The following DOK1 variants were observed in gnomAD, a reference collection of about 807,000 sequenced individuals.
DOK1 encodes docking protein 1.
DOK1 carries 12 observed loss-of-function variants against 24.0 expected under a neutral mutation model. That is an observed-to-expected ratio of 0.50 (90% CI 0.32 to 0.81). The LOEUF (loss-of-function observed/expected upper bound fraction) is 0.81, where lower values mean the gene tolerates loss of function less well. Among genes scored for constraint, DOK1 ranks in the 30% least tolerant of loss-of-function variants. The probability of loss-of-function intolerance (pLI) is 0.03; values close to 1 mark genes in which losing one functional copy is unlikely to be tolerated. For missense variants in DOK1, 591 were observed against 620.7 expected (o/e 0.95, Z 0.51); for synonymous variants, 250 against 260.9 (o/e 0.96, Z 0.40).
At chr2:74,552,552 G>C (rs747921472), upstream of DOK1, 3 of 1,612,086 alleles carry the variant, frequency 1.9e-6, no homozygotes, top group Middle Eastern at 1.7e-4. Context: ...CGTGGAAGGG[G>C]ACGGAGACCC....
Position 74,555,793 on chromosome 2 carries a change from C to T in DOK1, c.455-101C>T. The T allele has an allele frequency of 3.2e-6, 5 of 1,584,138 alleles. No individual in the cohort carries two copies. The highest frequency in any genetic ancestry group is 3.4e-6 in the Non-Finnish European group (4 of 1,165,546). ...GAAGTAGGAAGGCCCTGAGATCTGG[C>T]TTCCGAGTGAGTGCTTGGACACTAT... On this transcript the variant is annotated intron_variant, in intron 3 of 4. Transcript: ENST00000233668. This position sits in a 1 kb window ranked among gnomAD's most constrained non-coding sequence, Gnocchi z 6.1.
Position 74,549,577 on chromosome 2 carries a change from G to A in DOK1, c.-358+405G>A. On this transcript the variant is annotated intron_variant, in intron 1 of 4. Coordinates refer to the DOK1 transcript ENST00000409429. This position sits in a 1 kb window ranked among gnomAD's most constrained non-coding sequence, Gnocchi z 5.3. ...CGCACCTCCTCCACTTGCAGGTGAT[G>A]CTCTACCTGGGGGCGGGGCCACAAG... The A allele has an allele frequency of 6.2e-7, 1 of 1,607,328 alleles. No individual in the cohort carries two copies. The highest frequency in any genetic ancestry group is 8.5e-7 in the Non-Finnish European group (1 of 1,175,382).
upstream of DOK1, among the ~76,000 whole-genome samples, chr2:74,553,396 G>A (rs1331087223): frequency 3.9e-5 from 6 of 152,184 alleles, no homozygotes; most frequent in African/African-American, 7.2e-5. Context: ...GGCCCAGGAG[G>A]GCCAGGCCTC....
rs946293252 is a variant in DOK1, at chr2:74,549,311, A to G, written c.-358+139A>G. On this transcript the variant is annotated intron_variant, in intron 1 of 4. Transcript: ENST00000409429. This position sits in a 1 kb window ranked among gnomAD's most constrained non-coding sequence, Gnocchi z 5.3. ...ACCTGCTCAGATGTCTCCCAAGGCT[A>G]TTCATCAGGGAGCACCCCAATCCCG... 2.0e-6 allele frequency: 3 copies of G among 1,494,616 alleles called. No homozygotes were observed. Among genetic ancestry groups the G allele is most frequent in the African/African-American group, 1.4e-5 (1 of 71,502 alleles). The allele number at this position is 1,494,616 out of a possible 1,614,324, so 92.6% of individuals were successfully genotyped here.
At chr2:74,554,662 G>A, upstream of DOK1, 3 of 1,312,010 alleles carry the variant, frequency 2.3e-6, no homozygotes, top group Non-Finnish European at 3.2e-6. This position sits in a 1 kb window ranked among gnomAD's most constrained non-coding sequence, Gnocchi z 4.9. Context: ...GGGGGCCGGG[G>A]AGGGGCGGAA....
At chr2:74,550,533 T>C (rs1015558899), upstream of DOK1, among the ~76,000 whole-genome samples, 1 of 151,924 alleles carries the variant, frequency 6.6e-6, no homozygotes, top group Non-Finnish European at 1.5e-5. Context: ...GGCATAAGAT[T>C]GAGGGAAAAT....
upstream of DOK1, chr2:74,554,631 AC>A (rs932056110): frequency 2.3e-5 from 20 of 867,614 alleles, no homozygotes; most frequent in East Asian, 5.3e-5. This position sits in a 1 kb window ranked among gnomAD's most constrained non-coding sequence, Gnocchi z 4.9. Flanking sequence ...CCCCACCGCG[AC>A]CCCCCCAGCG....
upstream of DOK1, among the ~76,000 whole-genome samples, chr2:74,553,270 A>G (rs1260029361): frequency 6.6e-6 from 1 of 152,134 alleles, no homozygotes; most frequent in Non-Finnish European, 1.5e-5. Flanking sequence ...ATGGGAGCCC[A>G]GAGTCCTAAC....
chr2:74,549,868 T>C, upstream of DOK1: 1 of 985,316 alleles, frequency 1.0e-6, no homozygotes, highest in Non-Finnish European at 1.2e-6. This position sits in a 1 kb window ranked among gnomAD's most constrained non-coding sequence, Gnocchi z 5.3. Context: ...GGAAATGGCT[T>C]TGAAGGAGGA....
At chr2:74,553,943 CAA>C (rs113018584), upstream of DOK1, 345 of 130,932 alleles carry the variant, frequency 2.6e-3, 4 homozygotes, top group African/African-American at 9.0e-3. Context: ...CTAGGACTTC[CAA>C]AAAAAAAAAA....
Position 74,555,158 on chromosome 2 carries a change from G to A in DOK1, c.65G>A (p.Trp22Ter), listed in dbSNP as rs1457384846. 4.3e-6 allele frequency: 7 copies of A among 1,611,128 alleles called. No homozygotes were observed. Among genetic ancestry groups the A allele is most frequent in the East Asian group, 2.2e-5 (1 of 44,856 alleles). The change falls in exon 2 of 5, where the codon TGG becomes TAG. Residue 22 changes from tryptophan to a stop codon, truncating the protein, a stop_gained. Transcript: ENST00000233668. LOFTEE classifies it high-confidence loss of function. This position sits in a 1 kb window ranked among gnomAD's most constrained non-coding sequence, Gnocchi z 6.1. ...LQSQRFGTKR[W>*]RKTWAVLYPA... ...GCACTCTCTCTCTCTCCCTAGAGGTGGAGGAAGACCTGGGCCGTGCTCTAC... is the reference window on the plus strand; with the variant it reads ...GCACTCTCTCTCTCTCCCTAGAGGTAGAGGAAGACCTGGGCCGTGCTCTAC...
rs1677508571 is a variant in DOK1 at position 74,556,830 on chromosome 2, T to C, written c.1162T>C (p.Trp388Arg). The stretch of plus-strand genomic sequence containing the variant: ...GCCTCGGGAGCCCAAGGATGCATGG[T>C]GGTGCCAAGCTCGGGTGAAGGAGGA... ...DLPREPKDAW[W>R]CQARVKEEGY... Residue 388 changes from tryptophan (W) to arginine (R), a missense_variant, in exon 5 of 5, where the codon TGG (tryptophan) becomes CGG (arginine). Physicochemically the swap from Trp to Arg is moderately radical, Grantham distance 101. Coordinates refer to ENST00000233668, the MANE Select transcript of DOK1 (RefSeq NM_001381.5). This position sits in a 1 kb window ranked among gnomAD's most constrained non-coding sequence, Gnocchi z 4.1. 1.9e-6 allele frequency: 3 copies of C among 1,614,024 alleles called. No individual in the cohort carries two copies. The highest frequency in any genetic ancestry group is 1.7e-5 in the Admixed American group (1 of 60,008).
At chr2:74,549,940 G>GTGCC, upstream of DOK1, 1 of 985,464 alleles carries the variant, frequency 1.0e-6, no homozygotes, top group Non-Finnish European at 1.2e-6. This position sits in a 1 kb window ranked among gnomAD's most constrained non-coding sequence, Gnocchi z 5.3. Flanking sequence ...AGAGCACCAG[G>GTGCC]TGCCCCAGGG....
At chr2:74,550,258 G>T (rs762811068), upstream of DOK1, 2 of 1,614,040 alleles carry the variant, frequency 1.2e-6, no homozygotes, top group African/African-American at 1.3e-5. Context: ...CTCATCGTGC[G>T]TACAGTCACT....
At chr2:74,550,974 C>T (rs1676970071), upstream of DOK1, among the ~76,000 whole-genome samples, 1 of 151,488 alleles carries the variant, frequency 6.6e-6, no homozygotes, top group South Asian at 2.1e-4. Flanking sequence ...GCCCTGTTGC[C>T]TAGGCTGAAA....
In DOK1 at chr2:74,555,705, A is replaced by G. The variant is rs1558636284; in HGVS notation, c.454+37A>G. On this transcript the variant is annotated intron_variant, in intron 3 of 4. Coordinates refer to ENST00000233668, the MANE Select transcript of DOK1 (RefSeq NM_001381.5). The surrounding 1 kb of genome is among the most constrained non-coding windows in gnomAD (Gnocchi z 6.1). ...AGAAGCCCGGGCAGGGATGGAGTGAAGAGGAGGAGGGCCGAGGGCCTTTGG... is the reference window on the plus strand; with the variant it reads ...AGAAGCCCGGGCAGGGATGGAGTGAGGAGGAGGAGGGCCGAGGGCCTTTGG... 2 of 1,612,906 alleles carry G rather than the reference A, an allele frequency of 1.2e-6. No individual in the cohort carries two copies. The highest frequency in any genetic ancestry group is 4.5e-5 in the East Asian group (2 of 44,876).
upstream of DOK1, chr2:74,552,693 G>A (rs1018437306): frequency 2.1e-6 from 3 of 1,429,990 alleles, no homozygotes; most frequent in Non-Finnish European, 2.8e-6. Flanking sequence ...CAGATTGAGT[G>A]GGGCCCAGAG....
upstream of DOK1, among the ~76,000 whole-genome samples, chr2:74,553,573 C>G (rs994863860): frequency 6.6e-6 from 1 of 152,226 alleles, no homozygotes; most frequent in African/African-American, 2.4e-5. Context: ...CATGCTTCCC[C>G]CAACCCAAAC....
chr2:74,556,093 C>T lies in DOK1; in HGVS notation c.639+15C>T, dbSNP rs1266264740. 5.1e-6 allele frequency: 8 copies of T among 1,563,030 alleles called. No homozygotes were observed. The African/African-American group carries it at 5.4e-5, about 11-fold the overall frequency. On this transcript the variant is annotated intron_variant, in intron 4 of 4. Coordinates refer to ENST00000233668, the MANE Select transcript of DOK1 (RefSeq NM_001381.5). This position sits in a 1 kb window ranked among gnomAD's most constrained non-coding sequence, Gnocchi z 4.1. ...GCCGGGACAAGGTGCAGGGGCTGTC[C>T]GGGAGGGCTTCCTGGGTTGGGCAGC...
Sources: allele counts gnomAD v4.1 joint callset (sites outside exome capture counted in the v4.1 genomes callset), GRCh38; gene constraint gnomAD v4.1.1; non-coding constraint Gnocchi (gnomAD v3.1); transcripts MANE v1.5; gene names NCBI Gene and HGNC (gene_info 2026-07-23, HGNC 2026-07-21).